CXorf58: variants seen among roughly 807,000 people sequenced by gnomAD.
CXorf58 encodes the protein chromosome X open reading frame 58.
CXorf58 carries 24 observed loss-of-function variants against 26.0 expected under a neutral mutation model. That is an observed-to-expected ratio of 0.92 (90% CI 0.67 to 1.30). The LOEUF is 1.30. Ranked by LOEUF, CXorf58 falls within the 50% of genes most tolerant of loss-of-function variation. The pLI is 0.00. For synonymous variants in CXorf58, 87 were observed against 86.1 expected (o/e 1.01, Z -0.06); for missense variants, 236 against 263.9 (o/e 0.89, Z 0.73).
In CXorf58 at chrX:23,911,856, GGTATGTATTT is replaced by G; in HGVS notation, c.216+1_216+10del. On this transcript the variant is annotated splice_donor_variant and splice_donor_5th_base_variant and intron_variant, in intron 3 of 8. Coordinates refer to ENST00000379211, the MANE Select transcript of CXorf58 (RefSeq NM_152761.3). LOFTEE classifies it high-confidence loss of function. ...TCCTAAAACACGCAATTTGTGCAGC[GGTATGTATTT>G]TGCTTATTTTTTTCTCTGAGGGATT... is the stretch of plus-strand genomic sequence containing the variant. The G allele has an allele frequency of 8.6e-7, 1 of 1,163,386 alleles. No individual in the cohort carries two copies. Among genetic ancestry groups the G allele is most frequent in the Non-Finnish European group, 1.2e-6 (1 of 858,114 alleles).
intron 6 of CXorf58, among the ~76,000 whole-genome samples, chrX:23,934,120 G>A (rs1443220864): frequency 4.5e-5 from 5 of 111,506 alleles, no homozygotes; most frequent in Non-Finnish European, 9.4e-5. Context: ...TAATTTTTAG[G>A]CCCATCTGAG....
intron 5 of CXorf58, among the ~76,000 whole-genome samples, chrX:23,918,059 G>T (rs1321933371): frequency 2.7e-5 from 3 of 111,416 alleles, no homozygotes; most frequent in Non-Finnish European, 3.8e-5. Context: ...AGCCAGGATG[G>T]TCTCAATCTC....
chrX:23,939,160 G>A (rs1928364217), intron 8 of CXorf58, 84 bp from the exon 9 acceptor site: 1 of 604,248 alleles, frequency 1.7e-6, no homozygotes, highest in Non-Finnish European at 2.7e-6. Flanking sequence ...TTGAGATGAG[G>A]ATAAATATAG....
intron 3 of CXorf58, among the ~76,000 whole-genome samples, chrX:23,913,714 G>A (rs1174276588): frequency 2.7e-5 from 3 of 109,552 alleles, no homozygotes; most frequent in Non-Finnish European, 5.7e-5. Context: ...AGACCAGTCC[G>A]GTCAACATGG....
At position 23,935,416 on chromosome X, in the gene CXorf58, C is replaced by T. The variant is rs760843941; in HGVS notation, c.776C>T (p.Ser259Phe). Reference sequence around the variant, plus strand: ...CATAAGCACCAGCTACGGATTGTTTCTGAAATTAGGTAAAACAGATTCTTC... The same window carrying T: ...CATAAGCACCAGCTACGGATTGTTTTTGAAATTAGGTAAAACAGATTCTTC... The part of the protein sequence containing the change: ...EIHKHQLRIV[S>F]EIRGPYLTVQ... The change falls in exon 7 of 9, where the codon TCT (serine) becomes TTT (phenylalanine). Residue 259 changes from serine (S) to phenylalanine (F), a missense_variant. Physicochemically the swap from Ser to Phe is radical, Grantham distance 155. Transcript: ENST00000379211. 5.7e-5 allele frequency: 67 copies of T among 1,181,425 alleles called. No homozygotes were observed. The highest frequency in any genetic ancestry group is 7.5e-5 in the Non-Finnish European group (65 of 869,801).
intron 6 of CXorf58, among the ~76,000 whole-genome samples, chrX:23,928,474 C>T (rs747336033): frequency 3.0e-4 from 34 of 111,527 alleles, no homozygotes; most frequent in African/African-American, 1.0e-3. Flanking sequence ...TGAGCCACCA[C>T]GCCTGGCCGA....
At chrX:23,933,929 C>A (rs1165760996) in intron 6 of CXorf58, among the ~76,000 whole-genome samples, 2 of 108,907 alleles carry the variant, frequency 1.8e-5, no homozygotes, top group Non-Finnish European at 3.8e-5. Context: ...TACCTGTAGT[C>A]CCAGCTACTC....
At position 23,927,479 on chromosome X, in the gene CXorf58, A is replaced by G. The variant is rs986033030; in HGVS notation, c.555+109A>G. 23 of 319,370 alleles carry G rather than the reference A, an allele frequency of 7.2e-5. 1 individual carries two copies. The highest frequency in any genetic ancestry group is 7.5e-5 in the Non-Finnish European group (15 of 199,157). 26.3% of individuals were successfully genotyped at this position (319,370 alleles called of 1,213,427 possible). On this transcript the variant is annotated intron_variant, in intron 6 of 8. Transcript: ENST00000379211. The stretch of plus-strand genomic sequence containing the variant: ...TTATTATGGTAAAATATAACACAAT[A>G]TAAAATTTATTATTGTATTATATTT...
chrX:23,937,960 A>G (rs1928335963), intron 7 of CXorf58, among the ~76,000 whole-genome samples: 1 of 106,492 alleles, frequency 9.4e-6, no homozygotes, highest in Non-Finnish European at 1.9e-5. Context: ...ATCTTGGCTC[A>G]CTGCAAAGTC....
chrX:23,938,425 T>C, intron 7 of CXorf58, 122 bp from the exon 8 acceptor site: 1 of 483,133 alleles, frequency 2.1e-6, no homozygotes. Flanking sequence ...GAAATGCTGC[T>C]CCAATGTTGC....
intron 5 of CXorf58, among the ~76,000 whole-genome samples, chrX:23,917,334 CAAAAA>C (rs1188697974): frequency 1.1e-5 from 1 of 88,307 alleles, no homozygotes; most frequent in Non-Finnish European, 2.2e-5. Context: ...GATTCTATCT[CAAAAA>C]AAAAAAAAAA....
At chrX:23,937,991 T>A (rs1928336880) in intron 7 of CXorf58, among the ~76,000 whole-genome samples, 2 of 109,149 alleles carry the variant, frequency 1.8e-5, no homozygotes, top group African/African-American at 6.7e-5. Context: ...GTTCAAGCAA[T>A]TCTCCTGCCT....
chrX:23,921,747 G>A (rs777677241), intron 5 of CXorf58, among the ~76,000 whole-genome samples: 2 of 111,044 alleles, frequency 1.8e-5, no homozygotes, highest in African/African-American at 3.3e-5. Flanking sequence ...CTGGAGTGCA[G>A]TGGCACCATC....
chrX:23,917,726 A>G (rs758615915), intron 5 of CXorf58, among the ~76,000 whole-genome samples: 6 of 112,928 alleles, frequency 5.3e-5, no homozygotes, highest in Admixed American at 2.8e-4. Flanking sequence ...CACTCTCATC[A>G]TACTTTTAAG....
At chrX:23,918,083 C>A (rs1298919566) in intron 5 of CXorf58, among the ~76,000 whole-genome samples, 1 of 111,650 alleles carries the variant, frequency 9.0e-6, no homozygotes, top group Non-Finnish European at 1.9e-5. Context: ...ACCTCGAAAC[C>A]ACACTTTTTT....
At chrX:23,930,986 T>C (rs1208193333) in intron 6 of CXorf58, among the ~76,000 whole-genome samples, 2 of 111,855 alleles carry the variant, frequency 1.8e-5, no homozygotes, top group Non-Finnish European at 3.8e-5. Context: ...ACATAACTTT[T>C]ATATGCACTG....
In CXorf58 at chrX:23,937,658, C is replaced by T. The variant is rs1676077431; in HGVS notation, c.786-889C>T. Among the ~76,000 whole-genome samples the T allele has an allele frequency of 2.7e-5, 3 of 110,294 alleles. No homozygotes were observed. The Admixed American group carries it at 2.9e-4, about 11-fold the overall frequency. ...CAGGCTGGTCTCGAACTCCAGACCT[C>T]AGGTGATCCACCCGCCTTGGCCTCC... is the stretch of plus-strand genomic sequence containing the variant. On this transcript the variant is annotated intron_variant, in intron 7 of 8. Coordinates refer to ENST00000379211, the MANE Select transcript of CXorf58 (RefSeq NM_152761.3).
chrX:23,930,213 AAAAAG>A (rs1272600196), intron 6 of CXorf58, among the ~76,000 whole-genome samples: 2 of 106,899 alleles, frequency 1.9e-5, no homozygotes, highest in Admixed American at 1.0e-4. Context: ...AAAAAAAAAA[AAAAAG>A]AAAAAAGAAA....
At chrX:23,916,092 A>T in intron 4 of CXorf58, 125 bp from the exon 5 acceptor site, 1 of 456,069 alleles carries the variant, frequency 2.2e-6, no homozygotes, top group Non-Finnish European at 3.8e-6. Context: ...CCAATTCTTT[A>T]CATGCTCTGA....
Sources: gnomAD v4.1 joint callset for allele counts (sites outside exome capture counted in the v4.1 genomes callset) on GRCh38, gnomAD v4.1.1 for gene constraint, MANE v1.5 for transcripts, NCBI Gene and HGNC (gene_info 2026-07-23, HGNC 2026-07-21) for gene names.